Variants in CUL9 observed in about 807,000 individuals in gnomAD.
CUL9 encodes cullin 9.
CUL9 carries 79 observed loss-of-function variants against 272.6 expected under a neutral mutation model. That is an observed-to-expected ratio of 0.29 (90% confidence interval 0.24 to 0.35). The LOEUF is 0.35. Ranked by LOEUF, CUL9 falls within the 10% of genes least tolerant of loss-of-function variation. The probability of loss-of-function intolerance (pLI) is 1.00; values close to 1 mark genes in which losing one functional copy is unlikely to be tolerated. For synonymous variants in CUL9, 1,186 were observed against 1,286.5 expected, an observed-to-expected ratio of 0.92 and a Z score of 1.67; for missense variants, 2,532 against 3,255.6, an observed-to-expected ratio of 0.78 and a Z score of 5.41.
Position 43,198,704 on chromosome 6 carries a change from T to A in CUL9, c.2899T>A (p.Leu967Met), listed in dbSNP as rs539420168. The A allele has an allele frequency of 5.8e-5, 93 of 1,614,082 alleles. No individual in the cohort carries two copies. Among genetic ancestry groups the A allele is most frequent in the Non-Finnish European group, 7.5e-5 (88 of 1,180,034 alleles). Residue 967 changes from leucine to methionine, a missense_variant, in exon 12 of 41, where the codon TTG becomes ATG. Physicochemically the swap from Leu to Met is conservative, Grantham distance 15. Coordinates refer to ENST00000252050, the MANE Select transcript of CUL9 (RefSeq NM_015089.4). ...CCCATCTGCAGAACTACTCCTGGAC[T>A]TGGAGCGTGTGCTGTGCCGTGAGGG... ...GGPSAELLLDLERVLCREGSP... is the reference protein window; with the variant it reads ...GGPSAELLLDMERVLCREGSP...
chr6:43,223,372 T>G lies in CUL9; in HGVS notation c.7259T>G (p.Leu2420Arg). The stretch of plus-strand genomic sequence containing the variant: ...CTCCGGCGGATCCAGGAGAGGCTGC[T>G]TGCCATCCTGCAGCATTCTGCCCAG... ...ELLRRIQERL[L>R]AILQHSAQDF... is the part of the protein sequence containing the mutation. Residue 2420 changes from leucine (L) to arginine (R), a missense_variant, in exon 39 of 41, where the codon CTT becomes CGT. Around this residue, in one of 3 missense-constraint regions of CUL9, gnomAD observed 237 missense variants for 305.9 expected, o/e 0.77. Coordinates refer to ENST00000252050, the MANE Select transcript of CUL9 (RefSeq NM_015089.4). The surrounding 1 kb of genome is among the most constrained non-coding windows in gnomAD (Gnocchi z 4.1). 1 of 1,600,892 alleles carries G rather than the reference T, an allele frequency of 6.2e-7. No individual in the cohort carries two copies. Among genetic ancestry groups the G allele is most frequent in the East Asian group, 2.2e-5 (1 of 44,522 alleles).
At chr6:43,216,608 C>T (rs1775957991) in intron 31 of CUL9, 105 bp downstream of exon 31, 1 of 1,053,588 alleles carries the variant, frequency 9.5e-7, no homozygotes, top group Non-Finnish European at 1.4e-6. Context: ...TTTTCATCAC[C>T]TGGGCAATAG....
chr6:43,220,599 GGTATCCCCTCTC>G lies in CUL9; in HGVS notation c.6423+3_6423+14del. On this transcript the variant is annotated splice_donor_variant and splice_donor_5th_base_variant and intron_variant, in intron 32 of 40. Coordinates refer to ENST00000252050, the MANE Select transcript of CUL9 (RefSeq NM_015089.4). LOFTEE classifies it high-confidence loss of function. This position sits in a 1 kb window ranked among gnomAD's most constrained non-coding sequence, Gnocchi z 4.9. ...TCTCCTCGCCAGAGGTCATCTCCAA[GGTATCCCCTCTC>G]GTCTGAGAGAGGCTCCAGTGCAGAG... 1 of 1,613,988 alleles carries G rather than the reference GGTATCCCCTCTC, an allele frequency of 6.2e-7. No individual in the cohort carries two copies. Among genetic ancestry groups the G allele is most frequent in the South Asian group, 1.1e-5 (1 of 91,056 alleles).
At chr6:43,191,685 A>G (rs1225250435) in intron 8 of CUL9, among the ~76,000 whole-genome samples, 1 of 151,272 alleles carries the variant, frequency 6.6e-6, no homozygotes, top group East Asian at 1.9e-4. Flanking sequence ...CCTGGGTTCA[A>G]GCGATTCTCC....
At position 43,199,412 on chromosome 6, in the gene CUL9, A is replaced by T. The variant is rs1347472174; in HGVS notation, c.3156+41A>T. The T allele has an allele frequency of 6.6e-7, 1 of 1,505,188 alleles. No individual in the cohort carries two copies. Among genetic ancestry groups the T allele is most frequent in the East Asian group, 2.3e-5 (1 of 44,096 alleles). The allele number at this position is 1,505,188 out of a possible 1,614,324, so 93.2% of individuals were successfully genotyped here. Reference sequence around the variant, plus strand: ...CAAGGAGAAGAGAGGGAAGGGCAGCATCTGGGGCACCAACTCCTTGTGAGG... The same window carrying T: ...CAAGGAGAAGAGAGGGAAGGGCAGCTTCTGGGGCACCAACTCCTTGTGAGG... On this transcript the variant is annotated intron_variant, in intron 13 of 40. Coordinates refer to ENST00000252050, the MANE Select transcript of CUL9 (RefSeq NM_015089.4). This position sits in a 1 kb window ranked among gnomAD's most constrained non-coding sequence, Gnocchi z 4.4.
chr6:43,190,323 GTTA>G (rs1331536538), intron 8 of CUL9, among the ~76,000 whole-genome samples: 2 of 148,702 alleles, frequency 1.3e-5, no homozygotes, highest in East Asian at 2.0e-4. Flanking sequence ...TAAATATTCT[GTTA>G]TTATCCTTTG....
intron 31 of CUL9, among the ~76,000 whole-genome samples, chr6:43,219,120 T>C (rs1453619072): frequency 6.6e-6 from 1 of 151,856 alleles, no homozygotes; most frequent in Non-Finnish European, 1.5e-5. Flanking sequence ...GTCCAGGAGA[T>C]TGAGGCTGCG....
intron 16 of CUL9, among the ~76,000 whole-genome samples, chr6:43,201,313 G>A (rs1029416545): frequency 1.3e-5 from 2 of 152,106 alleles, no homozygotes. Flanking sequence ...CTGGAAGGAG[G>A]GGGTGACTGA....
At position 43,200,843 on chromosome 6, in the gene CUL9, A is replaced by G. The variant is rs1293676032; in HGVS notation, c.3647+9A>G. 1.9e-6 allele frequency: 3 copies of G among 1,614,022 alleles called. No individual in the cohort carries two copies. Among genetic ancestry groups the G allele is most frequent in the African/African-American group, 1.3e-5 (1 of 74,936 alleles). On this transcript the variant is annotated intron_variant, in intron 16 of 40. Coordinates refer to ENST00000252050, the MANE Select transcript of CUL9 (RefSeq NM_015089.4). The surrounding 1 kb of genome is among the most constrained non-coding windows in gnomAD (Gnocchi z 4.0). ...CGTGGTGTTCTTGTTAGGTGTGAAC[A>G]CACATATATGAATGTTCTGCTGTGC...
rs1775827389 is a variant in CUL9, at chr6:43,215,099, G to C, written c.5709G>C (p.Lys1903Asn). The C allele has an allele frequency of 6.8e-6, 11 of 1,607,068 alleles. No individual in the cohort carries two copies. Among genetic ancestry groups the C allele is most frequent in the Non-Finnish European group, 8.5e-6 (10 of 1,175,428 alleles). Residue 1903 changes from lysine to asparagine, a missense_variant, in exon 30 of 41, where the codon AAG becomes AAC. By Grantham distance (94) the Lys-to-Asn change is moderately conservative. Transcript: ENST00000252050. ...LVCLVLEAWQ[K>N]GPNPPGTLGH... ...TCCAGGTGCTGGAGGCCTGGCAGAA[G>C]GGTCCAAATCCTCCTGGAACCCTGG... is the stretch of plus-strand genomic sequence containing the variant.
At position 43,218,320 on chromosome 6, in the gene CUL9, G is replaced by A. The variant is rs1431658586; in HGVS notation, c.6282+1817G>A. On this transcript the variant is annotated intron_variant, in intron 31 of 40. Transcript: ENST00000252050. The surrounding 1 kb of genome is among the most constrained non-coding windows in gnomAD (Gnocchi z 4.4). Reference sequence around the variant, plus strand: ...CAACCTCCATCTCCCGGGTTCAAGCGATTCTTCTGCCTCAGCCTCCCGAGT... The same window carrying A: ...CAACCTCCATCTCCCGGGTTCAAGCAATTCTTCTGCCTCAGCCTCCCGAGT... Among the ~76,000 whole-genome samples, 5 of 152,064 alleles carry A rather than the reference G, an allele frequency of 3.3e-5. No individual in the cohort carries two copies. The highest frequency in any genetic ancestry group is 7.2e-5 in the African/African-American group (3 of 41,410).
At position 43,213,298 on chromosome 6, in the gene CUL9, C is replaced by T. The variant is rs1775666313; in HGVS notation, c.5358+4C>T. The T allele has an allele frequency of 6.2e-7, 1 of 1,613,758 alleles. No individual in the cohort carries two copies. Among genetic ancestry groups the T allele is most frequent in the African/African-American group, 1.3e-5 (1 of 74,972 alleles). ...GCTGAAATTCAATCAGACAGAGGTG[C>T]TTCAGCCCTTAGCCTCTCTCTGCCT... On this transcript the variant is annotated splice_donor_region_variant and intron_variant, in intron 27 of 40. Transcript: ENST00000252050. The surrounding 1 kb of genome is among the most constrained non-coding windows in gnomAD (Gnocchi z 5.7).
intron 9 of CUL9, among the ~76,000 whole-genome samples, chr6:43,194,263 A>G (rs1309179362): frequency 6.6e-6 from 1 of 152,116 alleles, no homozygotes; most frequent in Non-Finnish European, 1.5e-5. Context: ...GGGAGAGGCC[A>G]GGAGGCGCTT....
Position 43,223,616 on chromosome 6 carries a change from G to A in CUL9, c.7284+219G>A. On this transcript the variant is annotated intron_variant, in intron 39 of 40. Coordinates refer to ENST00000252050, the MANE Select transcript of CUL9 (RefSeq NM_015089.4). The surrounding 1 kb of genome is among the most constrained non-coding windows in gnomAD (Gnocchi z 4.1). Reference sequence around the variant, plus strand: ...TCCTGGGGATTCCTACAAAATAAAGGGGTTGGCTAGCCCACATCAAGGGTA... The same window carrying A: ...TCCTGGGGATTCCTACAAAATAAAGAGGTTGGCTAGCCCACATCAAGGGTA... 1.6e-6 allele frequency: 1 copy of A among 613,942 alleles called. No individual in the cohort carries two copies. The highest frequency in any genetic ancestry group is 2.8e-6 in the Non-Finnish European group (1 of 358,286). 38.0% of individuals were successfully genotyped at this position (613,942 alleles called of 1,614,324 possible). A position where few individuals can be genotyped will look rare whatever the true frequency, so the allele number is the denominator to read the frequency against.
rs1463872126 is a variant in CUL9, at chr6:43,203,910, A to T, written c.4082A>T (p.Asp1361Val). The change falls in exon 20 of 41, where the codon GAT becomes GTT. Residue 1361 changes from aspartate to valine, a missense_variant. By Grantham distance (152) the Asp-to-Val change is radical (BLOSUM62 -3). Transcript: ENST00000252050. This position sits in a 1 kb window ranked among gnomAD's most constrained non-coding sequence, Gnocchi z 5.0. ...QNFADRFLPD[D>V]EAAQALGKTC... ...TTTGCTGACCGCTTCCTCCCTGATG[A>T]TGAGGCCGCCCAGGCACTGGGCAAG... is the stretch of plus-strand genomic sequence containing the variant. 4.3e-6 allele frequency: 7 copies of T among 1,613,612 alleles called. No individual in the cohort carries two copies. In the South Asian group the frequency reaches 6.6e-5, roughly 15 times the overall value.
At position 43,198,851 on chromosome 6, in the gene CUL9, C is replaced by T. The variant is rs768554093; in HGVS notation, c.3046C>T (p.Leu1016=). Residue 1016 remains leucine (L), a synonymous_variant, in exon 12 of 41, where the codon CTG becomes TTG. Transcript: ENST00000252050. ...GPNKTLLLSV[L]RVITRLLDFP... ...CAACAAGACTCTGCTGCTGTCTGTG[C>T]TGAGGTGAGGGGCCTGTTGAGGCAC... 1.9e-6 allele frequency: 3 copies of T among 1,612,972 alleles called. No individual in the cohort carries two copies. Among genetic ancestry groups the T allele is most frequent in the African/African-American group, 1.3e-5 (1 of 74,922 alleles).
Position 43,218,547 on chromosome 6 carries a change from G to T in CUL9, c.6283-1912G>T, listed in dbSNP as rs1410949207. ...TTTTTAAAAGATCGCTTCTGCCGTT[G>T]TGTGGAGAAAAGGCTTGGAGGGAGC... On this transcript the variant is annotated intron_variant, in intron 31 of 40. Transcript: ENST00000252050. This position sits in a 1 kb window ranked among gnomAD's most constrained non-coding sequence, Gnocchi z 4.4. Among the ~76,000 whole-genome samples the T allele has an allele frequency of 6.6e-6, 1 of 152,192 alleles. No homozygotes were observed. The highest frequency in any genetic ancestry group is 2.4e-5 in the African/African-American group (1 of 41,452).
rs535020966 is a variant in CUL9 at position 43,199,512 on chromosome 6, T to C, written c.3156+141T>C. On this transcript the variant is annotated intron_variant, in intron 13 of 40. Coordinates refer to ENST00000252050, the MANE Select transcript of CUL9 (RefSeq NM_015089.4). This position sits in a 1 kb window ranked among gnomAD's most constrained non-coding sequence, Gnocchi z 4.4. ...ATGGGTGTAGGAGGAGGAAGGGTAA[T>C]GTAATCTAAGAATCTCCAGAACTGG... The C allele has an allele frequency of 2.0e-5, 13 of 643,146 alleles. No individual in the cohort carries two copies. In the East Asian group the frequency reaches 3.3e-4, roughly 16 times the overall value. The allele number at this position is 643,146 out of a possible 1,614,324, so 39.8% of individuals were successfully genotyped here. A position where few individuals can be genotyped will look rare whatever the true frequency, so the allele number is the denominator to read the frequency against.
chr6:43,185,817 C>A (rs1384285566), intron 3 of CUL9, 138 bp from the exon 4 acceptor site: 3 of 1,270,756 alleles, frequency 2.4e-6, no homozygotes, highest in Non-Finnish European at 2.1e-6. Context: ...CTATGCCTTT[C>A]TTACACAAAT....
Sources: allele counts gnomAD v4.1 joint callset (sites outside exome capture counted in the v4.1 genomes callset), GRCh38; gene constraint gnomAD v4.1.1; regional missense constraint gnomAD v4.1.1; non-coding constraint Gnocchi (gnomAD v3.1); transcripts MANE v1.5; gene names NCBI Gene and HGNC (gene_info 2026-07-23, HGNC 2026-07-21).